C10orf90: variants seen among roughly 807,000 people sequenced by gnomAD.
C10orf90 encodes chromosome 10 open reading frame 90.
Under a neutral mutation model 62.5 loss-of-function variants are expected in C10orf90, and 56 were observed. That is an observed-to-expected ratio of 0.90 (90% confidence interval 0.72 to 1.12). The LOEUF is 1.12. Among genes scored for constraint, C10orf90 ranks in the 50% most tolerant of loss-of-function variants. The pLI, the probability that C10orf90 is intolerant of heterozygous loss-of-function variation, is 0.00. For synonymous variants in C10orf90, 386 were observed against 340.4 expected, an observed-to-expected ratio of 1.13 and a Z score of -1.47; for missense variants, 970 against 880.4, an observed-to-expected ratio of 1.10 and a Z score of -1.29.
intron 2 of C10orf90, among the ~76,000 whole-genome samples, chr10:126,547,215 C>T (rs1467039322): frequency 1.3e-5 from 2 of 151,918 alleles, no homozygotes; most frequent in African/African-American, 2.4e-5. Flanking sequence ...GTCAGGAGAT[C>T]GAGACCATCC....
chr10:126,566,642 A>G (rs945142297), intron 2 of C10orf90, among the ~76,000 whole-genome samples: 2 of 152,210 alleles, frequency 1.3e-5, no homozygotes, highest in African/African-American at 2.4e-5. Context: ...AGCAGGAAGG[A>G]CGTCGGTTGA....
At chr10:126,609,230 C>T (rs2133798608) in intron 2 of C10orf90, among the ~76,000 whole-genome samples, 1 of 152,228 alleles carries the variant, frequency 6.6e-6, no homozygotes, top group East Asian at 1.9e-4. Flanking sequence ...TGATGAAACC[C>T]CGTCTCTGTT....
chr10:126,452,358 G>A (rs1014584960), intron 7 of C10orf90, among the ~76,000 whole-genome samples: 9 of 152,102 alleles, frequency 5.9e-5, no homozygotes, highest in African/African-American at 9.6e-5. Context: ...TAACTTCACC[G>A]TTTGCTCCAA....
At position 126,464,971 on chromosome 10, in the gene C10orf90, A is replaced by C; in HGVS notation, c.1550T>G (p.Phe517Cys). Residue 517 changes from phenylalanine (F) to cysteine (C), a missense_variant, in exon 5 of 10, where the codon TTT becomes TGT. Transcript: ENST00000488181. ...TTGTTGCCTCTTGCTGCTTCCAGAAAATACTTTTGTGTGTACTAAAAATAA... is the reference window on the plus strand; with the variant it reads ...TTGTTGCCTCTTGCTGCTTCCAGAACATACTTTTGTGTGTACTAAAAATAA... ...WSYRAVHTKV[F>C]SGSSKRQQGE... 2 of 1,594,670 alleles carry C rather than the reference A, an allele frequency of 1.3e-6. No individual in the cohort carries two copies. Among genetic ancestry groups the C allele is most frequent in the Non-Finnish European group, 1.7e-6 (2 of 1,164,034 alleles).
At chr10:126,585,339 G>T (rs556438277) in intron 2 of C10orf90, among the ~76,000 whole-genome samples, 12 of 144,842 alleles carry the variant, frequency 8.3e-5, no homozygotes, top group Non-Finnish European at 1.4e-4. Context: ...GGGAGAGAGG[G>T]AGACAGGCAG....
At chr10:126,619,758 G>T (rs187684280) in intron 2 of C10orf90, among the ~76,000 whole-genome samples, 18 of 152,226 alleles carry the variant, frequency 1.2e-4, no homozygotes, top group African/African-American at 4.3e-4. Flanking sequence ...TCCCAACTCA[G>T]CATTCTAAGT....
At chr10:126,577,353 G>C (rs1400217319) in intron 2 of C10orf90, among the ~76,000 whole-genome samples, 4 of 151,514 alleles carry the variant, frequency 2.6e-5, no homozygotes, top group South Asian at 2.1e-4. Flanking sequence ...GGATGTAAAA[G>C]ACCAGGACAC....
At chr10:126,530,755 G>C (rs1864070183) in intron 2 of C10orf90, among the ~76,000 whole-genome samples, 1 of 151,738 alleles carries the variant, frequency 6.6e-6, no homozygotes, top group Admixed American at 6.6e-5. Context: ...AAGAAAACAT[G>C]CCAACCCTAC....
At chr10:126,490,091 A>G (rs576840675) in intron 4 of C10orf90, among the ~76,000 whole-genome samples, 241 of 112,296 alleles carry the variant, frequency 2.1e-3, no homozygotes, top group Non-Finnish European at 3.3e-3. Context: ...ATAATAATAT[A>G]TAATATATAA....
Position 126,433,826 on chromosome 10 carries a change from C to T in C10orf90, c.2189-3976G>A, listed in dbSNP as rs536175191. Among the ~76,000 whole-genome samples, 139 of 152,210 alleles carry T rather than the reference C, an allele frequency of 9.1e-4. 1 individual carries two copies. Among genetic ancestry groups the T allele is most frequent in the African/African-American group, 3.2e-3 (133 of 41,518 alleles). ...TAAAATTAAAGTGGCAGGTGAGAAC[C>T]ATTTTCAGCTTGCTTATGGGTCTCT... is the stretch of plus-strand genomic sequence containing the variant. On this transcript the variant is annotated intron_variant, in intron 7 of 9. Coordinates refer to ENST00000488181, the MANE Select transcript of C10orf90 (RefSeq NM_001350921.2).
At chr10:126,577,319 A>T (rs1336676937) in intron 2 of C10orf90, among the ~76,000 whole-genome samples, 1 of 152,018 alleles carries the variant, frequency 6.6e-6, no homozygotes, top group Non-Finnish European at 1.5e-5. Flanking sequence ...TTAAAAATTA[A>T]TAAGTGAAAC....
chr10:126,619,479 C>T (rs1845605369), intron 2 of C10orf90, among the ~76,000 whole-genome samples: 1 of 152,232 alleles, frequency 6.6e-6, no homozygotes, highest in Admixed American at 6.5e-5. Context: ...ATTTTACCTT[C>T]TGGTGGGTGA....
intron 2 of C10orf90, among the ~76,000 whole-genome samples, chr10:126,543,256 G>T (rs543134027): frequency 6.6e-6 from 1 of 152,180 alleles, no homozygotes; most frequent in Non-Finnish European, 1.5e-5. Context: ...AAGCCTGCTA[G>T]CTCTGCCTGC....
intron 3 of C10orf90, among the ~76,000 whole-genome samples, chr10:126,507,063 A>C (rs541394500): frequency 6.6e-6 from 1 of 152,268 alleles, no homozygotes; most frequent in Admixed American, 6.5e-5. Flanking sequence ...TTTTTTAAAA[A>C]AAGGATACAT....
In C10orf90 at chr10:126,505,050, T is replaced by C. The variant is rs1408547076; in HGVS notation, c.441A>G (p.Ser147=). 6.2e-7 allele frequency: 1 copy of C among 1,611,022 alleles called. No individual in the cohort carries two copies. The highest frequency in any genetic ancestry group is 2.2e-5 in the East Asian group (1 of 44,836). ...TLASQNTKMI[S]SIVISQMIDE... ...CAATCATCTGGGAGATGACTATGGA[T>C]GAAATCATTTTTGTGTTTTGTGATG... The change falls in exon 4 of 10, where the codon TCA becomes TCG. Residue 147 remains serine (S), a synonymous_variant. Coordinates refer to ENST00000488181, the MANE Select transcript of C10orf90 (RefSeq NM_001350921.2).
chr10:126,576,194 C>G (rs1844607871), intron 2 of C10orf90, among the ~76,000 whole-genome samples: 1 of 151,980 alleles, frequency 6.6e-6, no homozygotes, highest in African/African-American at 2.4e-5. Flanking sequence ...AGATTAATAA[C>G]CAGAATACAC....
At chr10:126,521,368 T>A (rs374854696) in intron 2 of C10orf90, 102 of 1,613,434 alleles carry the variant, frequency 6.3e-5, no homozygotes, top group Non-Finnish European at 8.3e-5. Context: ...AAAGGTCTTT[T>A]AATGACAAGG....
chr10:126,545,350 A>G (rs1164784246), intron 2 of C10orf90, among the ~76,000 whole-genome samples: 1 of 152,188 alleles, frequency 6.6e-6, no homozygotes, highest in Non-Finnish European at 1.5e-5. Context: ...GTGTCCCTGT[A>G]GCCTTAATTA....
intron 2 of C10orf90, among the ~76,000 whole-genome samples, chr10:126,612,565 A>G (rs547597566): frequency 5.8e-4 from 89 of 152,298 alleles, no homozygotes; most frequent in South Asian, 2.1e-3. Flanking sequence ...CCATCTGAAG[A>G]GGTTTGGAAT....
Sources: gnomAD v4.1 joint callset for allele counts (sites outside exome capture counted in the v4.1 genomes callset) on GRCh38, gnomAD v4.1.1 for gene constraint, MANE v1.5 for transcripts, NCBI Gene and HGNC (gene_info 2026-07-23, HGNC 2026-07-21) for gene names.